The following FIGNL2 variants were observed in gnomAD, a reference collection of about 807,000 sequenced individuals.
FIGNL2 encodes the protein fidgetin like 2, also known as fidgetin-like protein 2.
For synonymous variants in FIGNL2, 565 were observed against 484.0 expected (o/e 1.17, Z -2.20); for missense variants, 1,060 against 950.2 (o/e 1.12, Z -1.52).
At position 51,837,352 on chromosome 12, in the gene FIGNL2, A is replaced by G. The variant is rs149354699; in HGVS notation, c.-12+11188T>C. On this transcript the variant is annotated intron_variant, in intron 1 of 1. Transcript: ENST00000618634. ...ACTGGACATAGGACGCAGGCTCCCA[A>G]TGTTTTCCCTACAGCCTCAGTCCCA... is the stretch of plus-strand genomic sequence containing the variant. Among the ~76,000 whole-genome samples, 1,145 of 152,252 alleles carry G rather than the reference A, an allele frequency of 7.5e-3. 6 individuals carry two copies. The highest frequency in any genetic ancestry group is 0.014 in the Non-Finnish European group (925 of 67,994).
At chr12:51,848,409 C>A in intron 1 of FIGNL2, 131 bp downstream of exon 1, 1 of 983,834 alleles carries the variant, frequency 1.0e-6, no homozygotes. Context: ...CCCCGCCGAG[C>A]TGAACCCCGC....
intron 1 of FIGNL2, among the ~76,000 whole-genome samples, chr12:51,836,215 G>A (rs1008488095): frequency 4.6e-5 from 7 of 152,044 alleles, no homozygotes; most frequent in South Asian, 2.1e-4. Context: ...AACTCCCTCC[G>A]CCCCAGCCCC....
chr12:51,830,776 C>T lies in FIGNL2; in HGVS notation c.-11-8352G>A, dbSNP rs138540935. On this transcript the variant is annotated intron_variant, in intron 1 of 1. Coordinates refer to ENST00000618634, the MANE Select transcript of FIGNL2 (RefSeq NM_001384995.1). ...AAAGTGCTGGATTACAGGCATGAGC[C>T]ACCACACCCGGCCTACGCTCTTTTT... Among the ~76,000 whole-genome samples the T allele has an allele frequency of 3.9e-3, 592 of 151,952 alleles. 7 individuals are homozygous for T. The highest frequency in any genetic ancestry group is 6.6e-3 in the East Asian group (34 of 5,162).
chr12:51,836,865 C>A (rs976507433), intron 1 of FIGNL2, among the ~76,000 whole-genome samples: 1 of 152,084 alleles, frequency 6.6e-6, no homozygotes, highest in Admixed American at 6.5e-5. Context: ...ACACCCCCAG[C>A]CCCCTCCTCC....
chr12:51,822,772 G>A lies in FIGNL2; in HGVS notation c.-11-348C>T, dbSNP rs115620566. Reference sequence around the variant, plus strand: ...TGATCCTTACTTTCTATGAAGGATCGGACAATGGGCGGGACATCCCAGCCC... The same window carrying A: ...TGATCCTTACTTTCTATGAAGGATCAGACAATGGGCGGGACATCCCAGCCC... On this transcript the variant is annotated intron_variant, in intron 1 of 1. Coordinates refer to ENST00000618634, the MANE Select transcript of FIGNL2 (RefSeq NM_001384995.1). 3.7e-3 allele frequency among the ~76,000 whole-genome samples: 569 copies of A among 152,304 alleles called. 3 individuals carry two copies. Among genetic ancestry groups the A allele is most frequent in the African/African-American group, 0.013 (533 of 41,556 alleles).
chr12:51,827,390 G>T (rs1035748217), intron 1 of FIGNL2, among the ~76,000 whole-genome samples: 20 of 142,370 alleles, frequency 1.4e-4, no homozygotes, highest in Non-Finnish European at 2.2e-4. Flanking sequence ...ATTTCTATTT[G>T]TTTTTTTTTT....
At chr12:51,825,596 G>C (rs1021025743) in intron 1 of FIGNL2, among the ~76,000 whole-genome samples, 3 of 151,476 alleles carry the variant, frequency 2.0e-5, no homozygotes, top group African/African-American at 7.3e-5. Context: ...CCCTTCCAGA[G>C]AGGGGAACTT....
At chr12:51,834,109 T>TTGGATGGA (rs75418518) in intron 1 of FIGNL2, among the ~76,000 whole-genome samples, 15,241 of 133,942 alleles carry the variant, frequency 0.11, 1,791 homozygotes, top group African/African-American at 0.25. Flanking sequence ...GGATGGATGG[T>TTGGATGGA]TGGATGGATG....
At chr12:51,842,286 T>C (rs1357311693) in intron 1 of FIGNL2, among the ~76,000 whole-genome samples, 2 of 152,184 alleles carry the variant, frequency 1.3e-5, no homozygotes, top group African/African-American at 4.8e-5. Flanking sequence ...ACAGTGTGCC[T>C]GGAAAGGAAG....
At chr12:51,846,975 A>G (rs927436740) in intron 1 of FIGNL2, 1 of 982,402 alleles carries the variant, frequency 1.0e-6, no homozygotes, top group Non-Finnish European at 1.2e-6. Flanking sequence ...CAGCCCAGCC[A>G]CCCCAGCAAG....
intron 1 of FIGNL2, chr12:51,844,862 CCTGGTCGCTTGGTT>C (rs1939718492): frequency 1.0e-6 from 1 of 985,296 alleles, no homozygotes; most frequent in Admixed American, 6.1e-5. Context: ...ATCTCATACC[CCTGGTCGCTTGGTT>C]CTGGCGGTCC....
chr12:51,822,385 G>A lies in FIGNL2; in HGVS notation c.29C>T (p.Pro10Leu). Residue 10 changes from proline (P) to leucine (L), a missense_variant, in exon 2 of 2, where the codon CCC becomes CTC. Coordinates refer to ENST00000618634, the MANE Select transcript of FIGNL2 (RefSeq NM_001384995.1). Reference protein sequence around the residue: MHWTPEHAQPLNQWPEQHLD... With the variant: MHWTPEHAQLLNQWPEQHLD... ...GTGCTGCTCTGGCCACTGGTTGAGG[G>A]GCTGGGCGTGTTCTGGTGTCCAGTG... 1 of 1,613,784 alleles carries A rather than the reference G, an allele frequency of 6.2e-7. No individual in the cohort carries two copies. The highest frequency in any genetic ancestry group is 1.1e-5 in the South Asian group (1 of 90,994).
At chr12:51,834,696 G>A (rs374352523) in intron 1 of FIGNL2, among the ~76,000 whole-genome samples, 1 of 152,234 alleles carries the variant, frequency 6.6e-6, no homozygotes, top group African/African-American at 2.4e-5. Context: ...ACGCTGACGG[G>A]AGGGGACAGC....
intron 1 of FIGNL2, among the ~76,000 whole-genome samples, chr12:51,842,496 A>C (rs1939679954): frequency 6.6e-6 from 1 of 152,102 alleles, no homozygotes. Flanking sequence ...TTTCAGGTAT[A>C]ACCTAAATCC....
intron 1 of FIGNL2, among the ~76,000 whole-genome samples, chr12:51,828,661 C>T (rs756005400): frequency 5.9e-5 from 9 of 152,178 alleles, no homozygotes; most frequent in Non-Finnish European, 5.9e-5. Flanking sequence ...GTGCCTCTCC[C>T]ATCCCTGAGG....
chr12:51,820,339 C>G lies in FIGNL2; in HGVS notation c.*113G>C, dbSNP rs1939142898. On this transcript the variant is annotated 3_prime_UTR_variant, in exon 2 of 2. Transcript: ENST00000618634. ...CCGGCAGACCCCTCCTGTCCCCGAT[C>G]CCACATTCACCACTCCAGCCCCTGC... 1 of 1,369,856 alleles carries G rather than the reference C, an allele frequency of 7.3e-7. No homozygotes were observed. The highest frequency in any genetic ancestry group is 2.7e-5 in the Admixed American group (1 of 37,346). 84.9% of individuals were successfully genotyped at this position (1,369,856 alleles called of 1,614,324 possible). A position where few individuals can be genotyped will look rare whatever the true frequency, so the allele number is the denominator to read the frequency against.
rs148743134 is a variant in FIGNL2 at position 51,834,371 on chromosome 12, G to A, written c.-11-11947C>T. ...CTCAGCCCCCCAGAGACTCCACAGG[G>A]CCTCTTTCTCTTTAAATCTCTCTCC... On this transcript the variant is annotated intron_variant, in intron 1 of 1. Transcript: ENST00000618634. Among the ~76,000 whole-genome samples the A allele has an allele frequency of 6.8e-3, 1,042 of 152,210 alleles. 8 individuals carry two copies. Among genetic ancestry groups the A allele is most frequent in the Non-Finnish European group, 0.012 (785 of 68,002 alleles).
chr12:51,836,963 T>C (rs895324442), intron 1 of FIGNL2, among the ~76,000 whole-genome samples: 2 of 152,126 alleles, frequency 1.3e-5, no homozygotes, highest in Non-Finnish European at 2.9e-5. Context: ...GTGGTCTCTC[T>C]GGCCAATCAC....
chr12:51,821,928 G>A lies in FIGNL2; in HGVS notation c.486C>T (p.Tyr162=). Residue 162 remains tyrosine, a synonymous_variant, in exon 2 of 2, where the codon TAC becomes TAT. Transcript: ENST00000618634. The part of the protein sequence containing the change: ...PSAAPEYAAG[Y]GGGYLAPGYC... The stretch of plus-strand genomic sequence containing the variant: ...AACCCGGCGCCAGGTACCCCCCGCC[G>A]TAGCCGGCCGCGTACTCGGGCGCCG... 2 of 1,506,482 alleles carry A rather than the reference G, an allele frequency of 1.3e-6. No homozygotes were observed. Among genetic ancestry groups the A allele is most frequent in the East Asian group, 2.6e-5 (1 of 37,932 alleles). The allele number at this position is 1,506,482 out of a possible 1,614,324, so 93.3% of individuals were successfully genotyped here.
Sources: gnomAD v4.1 joint callset for allele counts (sites outside exome capture counted in the v4.1 genomes callset) on GRCh38, gnomAD v4.1.1 for gene constraint, MANE v1.5 for transcripts, NCBI Gene and HGNC (gene_info 2026-07-23, HGNC 2026-07-21) for gene names.